Variants in RALGAPA1 observed in about 807,000 individuals in gnomAD.
RALGAPA1 encodes Ral GTPase activating protein catalytic subunit alpha 1.
In RALGAPA1, 52 loss-of-function variants were observed where a neutral mutation model predicts 269.6. That is an observed-to-expected ratio of 0.19 (90% CI 0.15 to 0.24). The LOEUF (loss-of-function observed/expected upper bound fraction) is 0.24. RALGAPA1 is among the 10% of genes least tolerant of loss of function. The pLI, the probability that RALGAPA1 is intolerant of heterozygous loss-of-function variation, is 1.00. For missense variants in RALGAPA1, 1,917 were observed against 3,013.9 expected, an observed-to-expected ratio of 0.64 and a Z score of 8.52; for synonymous variants, 817 against 1,008.3, an observed-to-expected ratio of 0.81 and a Z score of 3.60.
chr14:35,627,507 G>A lies in RALGAPA1; in HGVS notation c.6440C>T (p.Pro2147Leu). The change falls in exon 34 of 42, where the codon CCT becomes CTT. Residue 2147 changes from proline (P) to leucine (L), a missense_variant. Pro to Leu is a moderately conservative substitution (Grantham distance 98). Around this residue, in one of 11 missense-constraint regions of RALGAPA1, gnomAD observed 346 missense variants for 566.1 expected, o/e 0.61. Transcript: ENST00000680220. ...SLSHQEKPEE[P>L]PTSNECLEDI... ...TTCTAAGCATTCATTAGATGTCGGA[G>A]GCTCTTCTGGCTTCTCTTGGTGAGA... 1 of 1,606,292 alleles carries A rather than the reference G, an allele frequency of 6.2e-7. No individual in the cohort carries two copies. The highest frequency in any genetic ancestry group is 8.5e-7 in the Non-Finnish European group (1 of 1,177,786).
intron 16 of RALGAPA1, chr14:35,707,460 T>C (rs1436489410): frequency 6.6e-6 from 1 of 152,186 alleles, no homozygotes; most frequent in Non-Finnish European, 1.5e-5. Flanking sequence ...AATAGATTTA[T>C]CAAGTTGAGG....
intron 39 of RALGAPA1, among the ~76,000 whole-genome samples, chr14:35,555,312 A>T (rs919243805): frequency 3.3e-5 from 5 of 152,272 alleles, no homozygotes; most frequent in Middle Eastern, 3.4e-3. Context: ...AATTGTTTAA[A>T]TTTTTTTCAT....
At chr14:35,663,107 T>C (rs913009284) in intron 27 of RALGAPA1, among the ~76,000 whole-genome samples, 4 of 152,180 alleles carry the variant, frequency 2.6e-5, no homozygotes, top group East Asian at 1.9e-4. Context: ...TCTCCCTATG[T>C]TTCCCAGGCT....
intron 29 of RALGAPA1, among the ~76,000 whole-genome samples, chr14:35,655,050 T>G (rs2063089371): frequency 6.6e-6 from 1 of 152,218 alleles, no homozygotes; most frequent in African/African-American, 2.4e-5. Context: ...ACCCATTTAG[T>G]ACTCTCAGGT....
intron 37 of RALGAPA1, among the ~76,000 whole-genome samples, chr14:35,589,793 T>C (rs1035039245): frequency 1.3e-5 from 2 of 152,118 alleles, no homozygotes; most frequent in Non-Finnish European, 2.9e-5. Flanking sequence ...CTCAAGCTCC[T>C]GGACTCAAGC....
chr14:35,682,884 T>C (rs1298248266), intron 21 of RALGAPA1, among the ~76,000 whole-genome samples: 3 of 152,102 alleles, frequency 2.0e-5, no homozygotes, highest in Admixed American at 6.6e-5. Context: ...TCTTGCCATC[T>C]GGGAAAAAAG....
intron 6 of RALGAPA1, among the ~76,000 whole-genome samples, chr14:35,757,802 C>T (rs2073320022): frequency 6.6e-6 from 1 of 152,150 alleles, no homozygotes; most frequent in Non-Finnish European, 1.5e-5. Context: ...ATGTAGGTCC[C>T]TAAACCTGAC....
chr14:35,671,345 C>T, intron 26 of RALGAPA1, 44 bp downstream of exon 26: 1 of 1,475,108 alleles, frequency 6.8e-7, no homozygotes, highest in Non-Finnish European at 9.1e-7. Context: ...TAGTTGAATC[C>T]TGGCTAAAGT....
At chr14:35,722,857 C>T (rs936715846) in intron 15 of RALGAPA1, among the ~76,000 whole-genome samples, 170 bp downstream of exon 15, 13 of 151,998 alleles carry the variant, frequency 8.6e-5, no homozygotes, top group African/African-American at 2.7e-4. Context: ...GAAAAAATTG[C>T]TTACGATAAA....
intron 26 of RALGAPA1, among the ~76,000 whole-genome samples, chr14:35,666,525 T>C (rs2063954152): frequency 1.3e-5 from 2 of 152,208 alleles, no homozygotes; most frequent in African/African-American, 4.8e-5. Flanking sequence ...ATGCCCAGCC[T>C]GGACTGGGTA....
intron 18 of RALGAPA1, among the ~76,000 whole-genome samples, chr14:35,687,465 C>A (rs148203337): frequency 2.4e-4 from 36 of 152,084 alleles, no homozygotes; most frequent in Non-Finnish European, 5.0e-4. Context: ...TGTGAAATAC[C>A]ATTATCTTTA....
intron 6 of RALGAPA1, among the ~76,000 whole-genome samples, chr14:35,758,110 G>T (rs1430468836): frequency 6.6e-6 from 1 of 151,762 alleles, no homozygotes; most frequent in East Asian, 1.9e-4. Context: ...AATTTAGCCT[G>T]GCGTGGTGGC....
chr14:35,570,635 A>G lies in RALGAPA1; in HGVS notation c.7478T>C (p.Ile2493Thr). ...AGGATACAAGTTTTGATACAATGGA[A>G]TCAGAGATTTCAGAGCACGGCTTGC... ...INASRALKSLIPLYQNFYEER... is the reference protein window; with the variant it reads ...INASRALKSLTPLYQNFYEER... The change falls in exon 39 of 42, where the codon ATT becomes ACT. Residue 2493 changes from isoleucine to threonine, a missense_variant. By Grantham distance (89) the Ile-to-Thr change is moderately conservative. Around this residue, in one of 11 missense-constraint regions of RALGAPA1, gnomAD observed 91 missense variants for 130.9 expected, o/e 0.70. Transcript: ENST00000680220. The G allele has an allele frequency of 6.2e-7, 1 of 1,605,672 alleles. No homozygotes were observed. Among genetic ancestry groups the G allele is most frequent in the Non-Finnish European group, 8.5e-7 (1 of 1,177,776 alleles).
intron 17 of RALGAPA1, among the ~76,000 whole-genome samples, chr14:35,693,183 T>G (rs1321776000): frequency 2.0e-5 from 3 of 151,752 alleles, no homozygotes; most frequent in African/African-American, 7.2e-5. Context: ...AATTGTATTA[T>G]TAAAAAACCA....
chr14:35,558,996 T>C (rs896116674), intron 39 of RALGAPA1, among the ~76,000 whole-genome samples: 1 of 152,194 alleles, frequency 6.6e-6, no homozygotes, highest in Non-Finnish European at 1.5e-5. Context: ...GGATCCATCA[T>C]GTCCCTTGTG....
rs901566336 is a variant in RALGAPA1, at chr14:35,790,412, G to C, written c.107-14667C>G. Reference sequence around the variant, plus strand: ...TGTTAGAAACCTTGGAACAGGCCAAGCGCGGTAGCTCAGGCCTGTAATCCC... The same window carrying C: ...TGTTAGAAACCTTGGAACAGGCCAACCGCGGTAGCTCAGGCCTGTAATCCC... On this transcript the variant is annotated intron_variant, in intron 1 of 41. Coordinates refer to ENST00000680220, the MANE Select transcript of RALGAPA1 (RefSeq NM_001346249.2). 7.2e-5 allele frequency among the ~76,000 whole-genome samples: 11 copies of C among 152,202 alleles called. No individual in the cohort carries two copies. In the East Asian group the frequency reaches 2.1e-3, roughly 29 times the overall value.
Position 35,689,617 on chromosome 14 carries a change from C to A in RALGAPA1, c.2794G>T (p.Asp932Tyr). The change falls in exon 18 of 42, where the codon GAC (aspartate) becomes TAC (tyrosine). Residue 932 changes from aspartate to tyrosine, a missense_variant. Asp to Tyr is a radical substitution (Grantham distance 160). Transcript: ENST00000680220. The stretch of plus-strand genomic sequence containing the variant: ...AGAAGATCATCATCTCCTTCAAGGT[C>A]AATGTACTGGATTTGTTCAAAAGCT... ...DSAFEQIQYI[D>Y]LEGDDDLLST... 4.0e-6 allele frequency: 5 copies of A among 1,251,382 alleles called. No homozygotes were observed. The highest frequency in any genetic ancestry group is 5.0e-6 in the Non-Finnish European group (5 of 1,000,312). 77.5% of individuals were successfully genotyped at this position (1,251,382 alleles called of 1,614,324 possible).
Position 35,689,378 on chromosome 14 carries a change from T to G in RALGAPA1, c.3033A>C (p.Pro1011=). 1 of 1,232,314 alleles carries G rather than the reference T, an allele frequency of 8.1e-7. No homozygotes were observed. The highest frequency in any genetic ancestry group is 1.0e-6 in the Non-Finnish European group (1 of 988,084). The allele number at this position is 1,232,314 out of a possible 1,614,324, so 76.3% of individuals were successfully genotyped here. ...TPENLQFQKE[P]NSAVFMSNIA... is the part of the protein sequence containing the mutation. The stretch of plus-strand genomic sequence containing the variant: ...TATTACTCATGAAGACAGCTGAGTT[T>G]GGTTCTTTCTGAAACTGTAGGTTTT... Residue 1011 remains proline (P), a synonymous_variant, in exon 18 of 42, where the codon CCA becomes CCC. Coordinates refer to ENST00000680220, the MANE Select transcript of RALGAPA1 (RefSeq NM_001346249.2).
At chr14:35,718,861 A>G (rs1220680779) in intron 16 of RALGAPA1, among the ~76,000 whole-genome samples, 1 of 151,008 alleles carries the variant, frequency 6.6e-6, no homozygotes, top group African/African-American at 2.4e-5. Flanking sequence ...TTTTTTGGAA[A>G]CAGGGTCTCA....
Sources: allele counts gnomAD v4.1 joint callset (sites outside exome capture counted in the v4.1 genomes callset), GRCh38; gene constraint gnomAD v4.1.1; regional missense constraint gnomAD v4.1.1; transcripts MANE v1.5; gene names NCBI Gene and HGNC (gene_info 2026-07-23, HGNC 2026-07-21).